Variants in KIF19 observed in about 807,000 individuals in gnomAD.
KIF19 encodes kinesin family member 19.
Under a neutral mutation model 106.6 loss-of-function variants are expected in KIF19, and 98 were observed. That is an observed-to-expected ratio of 0.92 (90% CI 0.78 to 1.09). The LOEUF is 1.09. Among genes scored for constraint, KIF19 ranks in the 50% least tolerant of loss-of-function variants. The pLI is 0.00. For missense variants in KIF19, 1,373 were observed against 1,414.3 expected (o/e 0.97, Z 0.47); for synonymous variants, 516 against 584.2 (o/e 0.88, Z 1.68).
At position 74,350,815 on chromosome 17, in the gene KIF19, A is replaced by G. The variant is rs1598396705; in HGVS notation, c.1497A>G (p.Gln499=). 5 of 1,614,026 alleles carry G rather than the reference A, an allele frequency of 3.1e-6. No individual in the cohort carries two copies. The highest frequency in any genetic ancestry group is 1.6e-4 in the Middle Eastern group (1 of 6,062). ...SEKDSDTGDD[Q]PDILEPPEVA... is the part of the protein sequence containing the mutation. Reference sequence around the variant, plus strand: ...AGGACTCAGACACAGGTGATGACCAACCAGACATCCTGGAGCCACCCGAGG... The same window carrying G: ...AGGACTCAGACACAGGTGATGACCAGCCAGACATCCTGGAGCCACCCGAGG... The change falls in exon 12 of 20, where the codon CAA becomes CAG. Residue 499 remains glutamine (Q), a synonymous_variant. Transcript: ENST00000389916.
chr17:74,333,143 C>T (rs776806365), intron 2 of KIF19, among the ~76,000 whole-genome samples: 15 of 152,318 alleles, frequency 9.8e-5, no homozygotes, highest in Non-Finnish European at 1.6e-4. Context: ...CCCTGCACAC[C>T]GACCATCTGG....
intron 2 of KIF19, among the ~76,000 whole-genome samples, chr17:74,336,153 C>T (rs2054215499): frequency 6.6e-6 from 1 of 152,226 alleles, no homozygotes; most frequent in African/African-American, 2.4e-5. Flanking sequence ...ACTGCAACCT[C>T]TGCCTCCTGG....
rs559487300 is a variant in KIF19, at chr17:74,347,822, A to G, written c.970A>G (p.Ser324Gly). Residue 324 changes from serine (S) to glycine (G), a missense_variant, in exon 9 of 20, where the codon AGT (serine) becomes GGT (glycine). By Grantham distance (56) the Ser-to-Gly change is moderately conservative. Around this residue, in one of 3 missense-constraint regions of KIF19, gnomAD observed 1,020 missense variants for 1,008.2 expected, o/e 1.01. Transcript: ENST00000389916. Reference sequence around the variant, plus strand: ...CCGCACAGTGATGATCGCTCACATCAGTCCTGCGAGCAGTGCCTTCGAGGA... The same window carrying G: ...CCGCACAGTGATGATCGCTCACATCGGTCCTGCGAGCAGTGCCTTCGAGGA... ...NSRTVMIAHI[S>G]PASSAFEESR... 33 of 1,587,572 alleles carry G rather than the reference A, an allele frequency of 2.1e-5. No individual in the cohort carries two copies. The highest frequency in any genetic ancestry group is 2.7e-5 in the Non-Finnish European group (31 of 1,167,464).
In KIF19 at chr17:74,353,187, C is replaced by T. The variant is rs1203611549; in HGVS notation, c.2115-9C>T. On this transcript the variant is annotated splice_polypyrimidine_tract_variant and intron_variant, in intron 15 of 19. Transcript: ENST00000389916. The stretch of plus-strand genomic sequence containing the variant: ...TCTACAGCCACTCATCTTCCTCTGC[C>T]AACTTCAGTGAAGGCCACCACGTGT... 3 of 1,575,562 alleles carry T rather than the reference C, an allele frequency of 1.9e-6. No individual in the cohort carries two copies. The highest frequency in any genetic ancestry group is 1.4e-5 in the African/African-American group (1 of 73,994).
At chr17:74,336,624 G>C (rs2054225504) in intron 2 of KIF19, among the ~76,000 whole-genome samples, 1 of 152,132 alleles carries the variant, frequency 6.6e-6, no homozygotes, top group South Asian at 2.1e-4. Context: ...CCTCTAACAA[G>C]CGGGTACTCC....
chr17:74,350,498 G>T lies in KIF19; in HGVS notation c.1311G>T (p.Arg437=), dbSNP rs1398084196. Residue 437 remains arginine, a synonymous_variant, in exon 11 of 20, where the codon CGG becomes CGT. Coordinates refer to ENST00000389916, the MANE Select transcript of KIF19 (RefSeq NM_153209.4). ...ASAFQEQMDV[R]RRLLELENRA... ...CCTTCCAGGAGCAGATGGATGTGCGGAGGCGCCTGCTGGAGCTGGAGAACC... is the reference window on the plus strand; with the variant it reads ...CCTTCCAGGAGCAGATGGATGTGCGTAGGCGCCTGCTGGAGCTGGAGAACC... 5.6e-6 allele frequency: 9 copies of T among 1,612,536 alleles called. No individual in the cohort carries two copies. Among genetic ancestry groups the T allele is most frequent in the Non-Finnish European group, 6.8e-6 (8 of 1,179,758 alleles).
chr17:74,351,976 T>C lies in KIF19; in HGVS notation c.1697T>C (p.Leu566Pro), dbSNP rs2054718266. ...SEEQREVLSL[L>P]CRVHELEVEN... is the part of the protein sequence containing the mutation. Reference sequence around the variant, plus strand: ...GAGCAGCGCGAGGTGCTCAGCCTGCTGTGCCGCGTGCACGAGCTCGAGGTG... The same window carrying C: ...GAGCAGCGCGAGGTGCTCAGCCTGCCGTGCCGCGTGCACGAGCTCGAGGTG... The change falls in exon 13 of 20, where the codon CTG (leucine) becomes CCG (proline). Residue 566 changes from leucine to proline, a missense_variant. Leu to Pro is a moderately conservative substitution (Grantham distance 98, BLOSUM62 -3). Around this residue, in one of 3 missense-constraint regions of KIF19, gnomAD observed 1,020 missense variants for 1,008.2 expected, o/e 1.01. Coordinates refer to ENST00000389916, the MANE Select transcript of KIF19 (RefSeq NM_153209.4). The C allele has an allele frequency of 6.5e-7, 1 of 1,533,762 alleles. No individual in the cohort carries two copies. The highest frequency in any genetic ancestry group is 8.7e-7 in the Non-Finnish European group (1 of 1,147,870).
At chr17:74,326,477 AC>A in intron 1 of KIF19, 89 bp downstream of exon 1, 1 of 1,301,192 alleles carries the variant, frequency 7.7e-7, no homozygotes, top group Non-Finnish European at 1.1e-6. Context: ...CCTCGCCGCC[AC>A]CCCACTGAGA....
intron 2 of KIF19, among the ~76,000 whole-genome samples, chr17:74,329,934 G>C (rs1445448619): frequency 1.3e-5 from 2 of 152,150 alleles, no homozygotes; most frequent in Admixed American, 1.3e-4. Context: ...TGAAGCCCTG[G>C]GCCCAGGATA....
chr17:74,340,543 G>T (rs1260852768), intron 2 of KIF19, among the ~76,000 whole-genome samples: 3 of 64,362 alleles, frequency 4.7e-5, no homozygotes, highest in African/African-American at 1.9e-4. Context: ...GTGCCAGCAG[G>T]TATGCGCGCG....
At chr17:74,342,946 C>G (rs141818925) in intron 4 of KIF19, 78 bp from the exon 5 acceptor site, 95 of 1,480,766 alleles carry the variant, frequency 6.4e-5, no homozygotes, top group Non-Finnish European at 8.4e-5. Flanking sequence ...GGACAAACCC[C>G]GGTTTCCAGG....
chr17:74,333,361 ATTT>A (rs35232394), intron 2 of KIF19, among the ~76,000 whole-genome samples: 9 of 129,466 alleles, frequency 7.0e-5, no homozygotes, highest in African/African-American at 1.2e-4. Context: ...TGTGGTCCTA[ATTT>A]TTTTTTTTTT....
intron 8 of KIF19, among the ~76,000 whole-genome samples, chr17:74,347,536 CAAA>C (rs570278328): frequency 1.5e-4 from 17 of 109,814 alleles, no homozygotes; most frequent in South Asian, 2.8e-4. Context: ...GACCCTGTCT[CAAA>C]AAAAAAAAAA....
rs910768156 is a variant in KIF19, at chr17:74,335,686, G to C, written c.121-6190G>C. On this transcript the variant is annotated intron_variant, in intron 2 of 19. Coordinates refer to ENST00000389916, the MANE Select transcript of KIF19 (RefSeq NM_153209.4). ...TGGAGCTGCAGCAGCAGATGGGCTTGGAGGGACAGAGCTCTGGCTTGAAGC... is the reference window on the plus strand; with the variant it reads ...TGGAGCTGCAGCAGCAGATGGGCTTCGAGGGACAGAGCTCTGGCTTGAAGC... 2.6e-5 allele frequency among the ~76,000 whole-genome samples: 4 copies of C among 152,288 alleles called. No homozygotes were observed. In the East Asian group the frequency reaches 7.7e-4, roughly 29 times the overall value.
rs374890343 is a variant in KIF19 at position 74,341,860 on chromosome 17, T to C, written c.121-16T>C. On this transcript the variant is annotated splice_polypyrimidine_tract_variant and intron_variant, in intron 2 of 19. Transcript: ENST00000389916. Reference sequence around the variant, plus strand: ...GTTCCCAGGTGACCGTGGGCCTCCCTCTGGGGACCTTGCAGATGGTGGTTC... The same window carrying C: ...GTTCCCAGGTGACCGTGGGCCTCCCCCTGGGGACCTTGCAGATGGTGGTTC... 2.7e-5 allele frequency: 43 copies of C among 1,604,256 alleles called. No individual in the cohort carries two copies. The highest frequency in any genetic ancestry group is 3.6e-5 in the Non-Finnish European group (42 of 1,171,334).
In KIF19 at chr17:74,326,246, A is replaced by G. The variant is rs2053900539; in HGVS notation, c.-104A>G. On this transcript the variant is annotated 5_prime_UTR_variant, in exon 1 of 20. Coordinates refer to ENST00000389916, the MANE Select transcript of KIF19 (RefSeq NM_153209.4). Reference sequence around the variant, plus strand: ...GTTTCGGGTTGTCAGGCAGCGCGCGAGGCGGCGGGCAGCTAGCAGCTGGCG... The same window carrying G: ...GTTTCGGGTTGTCAGGCAGCGCGCGGGGCGGCGGGCAGCTAGCAGCTGGCG... 1 of 1,070,810 alleles carries G rather than the reference A, an allele frequency of 9.3e-7. No individual in the cohort carries two copies. 66.3% of individuals were successfully genotyped at this position (1,070,810 alleles called of 1,614,324 possible). A position where few individuals can be genotyped will look rare whatever the true frequency, so the allele number is the denominator to read the frequency against.
chr17:74,354,427 CG>C lies in KIF19; in HGVS notation c.2576del (p.Gly859AspfsTer171), dbSNP rs781489213. 281 of 1,611,144 alleles carry C rather than the reference CG, an allele frequency of 1.7e-4. No homozygotes were observed. Among genetic ancestry groups the C allele is most frequent in the Middle Eastern group, 1.5e-3 (9 of 6,054 alleles). On this transcript the variant is annotated frameshift_variant, in exon 18 of 20. Transcript: ENST00000389916. LOFTEE classifies it high-confidence loss of function. ...STGEAPSRAV[G>X]HHGDGPRPWL... is the part of the protein sequence containing the mutation. ...CGGGCGAGGCCCCGTCCCGGGCAGT[CG>C]GACATCATGGGGACGGCCCCAGGCC... is the stretch of plus-strand genomic sequence containing the variant.
intron 2 of KIF19, among the ~76,000 whole-genome samples, chr17:74,340,781 C>T (rs1325163681): frequency 6.6e-6 from 1 of 152,260 alleles, no homozygotes; most frequent in African/African-American, 2.4e-5. Context: ...AGCGTGCTGA[C>T]CTCATCCCTC....
rs943591437 is a variant in KIF19 at position 74,346,423 on chromosome 17, C to T, written c.823C>T (p.Arg275Cys). ...QRMKEGAHIN[R>C]SLLALGNCIN... The stretch of plus-strand genomic sequence containing the variant: ...TATGAAGGAGGGGGCCCACATCAAC[C>T]GCTCACTGCTGGCACTGGGCAACTG... The change falls in exon 8 of 20, where the codon CGC (arginine) becomes TGC (cysteine). Residue 275 changes from arginine (R) to cysteine (C), a missense_variant. By Grantham distance (180) the Arg-to-Cys change is radical. Coordinates refer to ENST00000389916, the MANE Select transcript of KIF19 (RefSeq NM_153209.4). This position sits in a 1 kb window ranked among gnomAD's most constrained non-coding sequence, Gnocchi z 4.6. The T allele has an allele frequency of 1.8e-5, 29 of 1,573,884 alleles. No individual in the cohort carries two copies. The highest frequency in any genetic ancestry group is 1.7e-4 in the Middle Eastern group (1 of 6,042).
Sources: gnomAD v4.1 joint callset for allele counts (sites outside exome capture counted in the v4.1 genomes callset) on GRCh38, gnomAD v4.1.1 for gene constraint, gnomAD v4.1.1 regional missense constraint, Gnocchi (gnomAD v3.1) non-coding constraint, MANE v1.5 for transcripts, NCBI Gene and HGNC (gene_info 2026-07-23, HGNC 2026-07-21) for gene names.